Variants in ADARB2 observed in about 807,000 individuals in gnomAD.
ADARB2 encodes adenosine deaminase RNA specific B2 (inactive).
In ADARB2, 25 loss-of-function variants were observed where a neutral mutation model predicts 62.2. The ratio of observed to expected loss-of-function variants is 0.40; its 90% CI spans 0.29 to 0.56. ADARB2 has a LOEUF of 0.56. Among genes scored for constraint, ADARB2 ranks in the 20% least tolerant of loss-of-function variants. ADARB2 has a pLI of 0.43. For synonymous variants in ADARB2, 572 were observed against 500.8 expected, an observed-to-expected ratio of 1.14 and a Z score of -1.90; for missense variants, 1,071 against 1,077.4, an observed-to-expected ratio of 0.99 and a Z score of 0.08.
At chr10:1,594,326 C>T (rs1332404014) in intron 1 of ADARB2, among the ~76,000 whole-genome samples, 1 of 152,072 alleles carries the variant, frequency 6.6e-6, no homozygotes, top group Non-Finnish European at 1.5e-5. Context: ...ACAACAACAA[C>T]AACAAAAACC....
intron 6 of ADARB2, among the ~76,000 whole-genome samples, chr10:1,221,265 T>G (rs962704953): frequency 6.6e-6 from 1 of 152,156 alleles, no homozygotes; most frequent in Non-Finnish European, 1.5e-5. Flanking sequence ...ATCCAAACAT[T>G]CTGGTCCAAT....
intron 1 of ADARB2, among the ~76,000 whole-genome samples, chr10:1,393,170 G>A (rs997299535): frequency 6.6e-6 from 1 of 152,076 alleles, no homozygotes; most frequent in Non-Finnish European, 1.5e-5. Flanking sequence ...CATTTTTCAT[G>A]GTTTAATTTC....
rs549505501 is a variant in ADARB2, at chr10:1,365,120, C to A, written c.188-1203G>T. 1.6e-3 allele frequency among the ~76,000 whole-genome samples: 248 copies of A among 152,248 alleles called. 3 individuals carry two copies. The highest frequency in any genetic ancestry group is 2.5e-3 in the Non-Finnish European group (172 of 68,016). On this transcript the variant is annotated intron_variant, in intron 2 of 9. Coordinates refer to ENST00000381312, the MANE Select transcript of ADARB2 (RefSeq NM_018702.4). ...CTCCTGACCTCAGGTGATCTGCCTG[C>A]CTCCGTCTCCCAAAGTGCTGGGATT...
chr10:1,435,407 C>G (rs1245049945), intron 1 of ADARB2, among the ~76,000 whole-genome samples: 1 of 152,190 alleles, frequency 6.6e-6, no homozygotes, highest in African/African-American at 2.4e-5. Context: ...AAGACAGGAC[C>G]ATTAACTCAG....
intron 1 of ADARB2, among the ~76,000 whole-genome samples, chr10:1,672,618 C>G (rs565487241): frequency 1.3e-5 from 2 of 149,966 alleles, no homozygotes; most frequent in East Asian, 4.0e-4. Flanking sequence ...TGCCTCCCTC[C>G]ATGGACACAC....
At chr10:1,631,760 CAGTT>C (rs1253223814) in intron 1 of ADARB2, among the ~76,000 whole-genome samples, 20 of 152,140 alleles carry the variant, frequency 1.3e-4, no homozygotes, top group African/African-American at 4.3e-4. Context: ...GCTCGGTTCA[CAGTT>C]AGGAAGGAAA....
rs143221188 is a variant in ADARB2, at chr10:1,665,439, T to A, written c.100+71612A>T. On this transcript the variant is annotated intron_variant, in intron 1 of 9. Coordinates refer to ENST00000381312, the MANE Select transcript of ADARB2 (RefSeq NM_018702.4). Reference sequence around the variant, plus strand: ...GGCACACATCTGCCTCCACTGCCAATGCAGGAGCACTGGGCCCACCCGAGA... The same window carrying A: ...GGCACACATCTGCCTCCACTGCCAAAGCAGGAGCACTGGGCCCACCCGAGA... Among the ~76,000 whole-genome samples, 517 of 152,310 alleles carry A rather than the reference T, an allele frequency of 3.4e-3. 4 individuals carry two copies. Among genetic ancestry groups the A allele is most frequent in the African/African-American group, 0.012 (488 of 41,578 alleles).
intron 1 of ADARB2, among the ~76,000 whole-genome samples, chr10:1,672,550 G>A (rs186564697): frequency 0.015 from 2,321 of 151,900 alleles, 38 homozygotes; most frequent in African/African-American, 0.053. Flanking sequence ...CAGGCCTCGC[G>A]CAGCTCCTGC....
chr10:1,420,037 TAA>T (rs1222478273), intron 1 of ADARB2, among the ~76,000 whole-genome samples: 1 of 152,242 alleles, frequency 6.6e-6, no homozygotes, highest in African/African-American at 2.4e-5. Flanking sequence ...ATAAATATTG[TAA>T]AGTCAATTTT....
chr10:1,475,448 G>A (rs145992868), intron 1 of ADARB2, among the ~76,000 whole-genome samples: 2,261 of 152,274 alleles, frequency 0.015, 62 homozygotes, highest in African/African-American at 0.049. Context: ...GGCCCCAGCG[G>A]CCTCCTCTGT....
chr10:1,520,184 T>C (rs1381337181), intron 1 of ADARB2, among the ~76,000 whole-genome samples: 1 of 152,262 alleles, frequency 6.6e-6, no homozygotes, highest in Non-Finnish European at 1.5e-5. Context: ...GCACATTTGC[T>C]TACAGATTTT....
chr10:1,716,833 C>A (rs568086997), intron 1 of ADARB2, among the ~76,000 whole-genome samples: 1 of 152,172 alleles, frequency 6.6e-6, no homozygotes, highest in Non-Finnish European at 1.5e-5. Flanking sequence ...AGGAGCTATA[C>A]TGTAGAGAAG....
In ADARB2 at chr10:1,702,604, C is replaced by T. The variant is rs969766911; in HGVS notation, c.100+34447G>A. 7.2e-5 allele frequency among the ~76,000 whole-genome samples: 11 copies of T among 152,246 alleles called. 1 individual carries two copies. Among genetic ancestry groups the T allele is most frequent in the African/African-American group, 2.4e-4 (10 of 41,466 alleles). On this transcript the variant is annotated intron_variant, in intron 1 of 9. Transcript: ENST00000381312. ...GGCTGCTAATCCACAAAAGTCACCCCTCTATTCTCAGACTCACTGAACTCC... is the reference window on the plus strand; with the variant it reads ...GGCTGCTAATCCACAAAAGTCACCCTTCTATTCTCAGACTCACTGAACTCC...
At chr10:1,511,610 C>T (rs944555773) in intron 1 of ADARB2, among the ~76,000 whole-genome samples, 8 of 152,080 alleles carry the variant, frequency 5.3e-5, no homozygotes, top group African/African-American at 1.9e-4. Flanking sequence ...CCATTAATGC[C>T]ACTACACTGG....
At chr10:1,533,064 C>T (rs1832270720) in intron 1 of ADARB2, among the ~76,000 whole-genome samples, 3 of 151,960 alleles carry the variant, frequency 2.0e-5, no homozygotes, top group African/African-American at 7.3e-5. Context: ...GATGTTCCTA[C>T]TGGGCCCTGG....
rs141894892 is a variant in ADARB2, at chr10:1,220,651, T to A, written c.1514-3532A>T. On this transcript the variant is annotated intron_variant, in intron 6 of 9. Transcript: ENST00000381312. ...GGGATATTTTCTCAGGGAATGTGGT[T>A]GTTGCTGTCCCTCCATTTCTGTTAT... is the stretch of plus-strand genomic sequence containing the variant. 1.2e-3 allele frequency among the ~76,000 whole-genome samples: 186 copies of A among 152,342 alleles called. 3 individuals are homozygous for A. The East Asian group carries it at 0.027, about 22-fold the overall frequency.
At position 1,501,964 on chromosome 10, in the gene ADARB2, C is replaced by G. The variant is rs116588675; in HGVS notation, c.101-122804G>C. The stretch of plus-strand genomic sequence containing the variant: ...GCCTGGCTGAAGGGTCACCACTGCA[C>G]CCGGTACCAAAGCAGGTCCATGGAT... On this transcript the variant is annotated intron_variant, in intron 1 of 9. Transcript: ENST00000381312. 7.2e-3 allele frequency among the ~76,000 whole-genome samples: 1,100 copies of G among 152,316 alleles called. 15 individuals carry two copies. The highest frequency in any genetic ancestry group is 0.025 in the African/African-American group (1,053 of 41,564).
chr10:1,651,344 C>T (rs1312431712), intron 1 of ADARB2, among the ~76,000 whole-genome samples: 1 of 152,240 alleles, frequency 6.6e-6, no homozygotes, highest in African/African-American at 2.4e-5. Context: ...CCAAGGTTGG[C>T]CCTGGCGAGC....
chr10:1,432,005 G>A (rs141424221), intron 1 of ADARB2, among the ~76,000 whole-genome samples: 8 of 152,230 alleles, frequency 5.3e-5, no homozygotes, highest in Admixed American at 2.6e-4. Context: ...TTCAGATTAG[G>A]TCAGGCACCC....
Sources: gnomAD v4.1 joint callset for allele counts (sites outside exome capture counted in the v4.1 genomes callset) on GRCh38, gnomAD v4.1.1 for gene constraint, MANE v1.5 for transcripts, NCBI Gene and HGNC (gene_info 2026-07-23, HGNC 2026-07-21) for gene names.